Variants in CSGALNACT1 observed in about 807,000 individuals in gnomAD.
The protein encoded by CSGALNACT1 is beta4GalNAcT-1.
Under a neutral mutation model 51.0 loss-of-function variants are expected in CSGALNACT1, and 52 were observed. That is an observed-to-expected ratio of 1.02 (90% CI 0.82 to 1.29). The LOEUF is 1.29. Ranked by LOEUF, CSGALNACT1 falls within the 50% of genes most tolerant of loss-of-function variation. The pLI is 0.00. For synonymous variants in CSGALNACT1, 341 were observed against 254.4 expected (o/e 1.34, Z -3.24); for missense variants, 935 against 679.2 (o/e 1.38, Z -4.19).
At chr8:19,657,065 T>TAAAAAAA (rs200755706) in intron 1 of CSGALNACT1, among the ~76,000 whole-genome samples, 1 of 125,724 alleles carries the variant, frequency 8.0e-6, no homozygotes, top group Non-Finnish European at 1.7e-5. Flanking sequence ...TCCATCTCAT[T>TAAAAAAA]AAAAAAAAAA....
intron 1 of CSGALNACT1, among the ~76,000 whole-genome samples, chr8:19,609,156 G>C (rs1355848542): frequency 6.6e-6 from 1 of 151,018 alleles, no homozygotes; most frequent in Non-Finnish European, 1.5e-5. Context: ...TCAATCCATT[G>C]GGTTAGGCTG....
intron 8 of CSGALNACT1, among the ~76,000 whole-genome samples, chr8:19,412,068 G>T (rs904424606): frequency 1.3e-5 from 2 of 152,060 alleles, no homozygotes; most frequent in Admixed American, 6.6e-5. Context: ...CCTGACCTCA[G>T]GTGATCCACC....
rs559506193 is a variant in CSGALNACT1, at chr8:19,495,712, C to T, written c.634+9489G>A. On this transcript the variant is annotated intron_variant, in intron 4 of 9. Coordinates refer to ENST00000454498, the Ensembl canonical transcript of CSGALNACT1. Reference sequence around the variant, plus strand: ...CTGCCAGAAAAAGAAGCACAAGATTCGGAAGAGAATGTGTAGCCTCCTCAG... The same window carrying T: ...CTGCCAGAAAAAGAAGCACAAGATTTGGAAGAGAATGTGTAGCCTCCTCAG... 2.0e-5 allele frequency among the ~76,000 whole-genome samples: 3 copies of T among 152,252 alleles called. No individual in the cohort carries two copies. The East Asian group carries it at 5.8e-4, about 29-fold the overall frequency.
intron 3 of CSGALNACT1, among the ~76,000 whole-genome samples, chr8:19,562,587 A>T (rs748257404): frequency 2.0e-5 from 3 of 152,218 alleles, no homozygotes; most frequent in Non-Finnish European, 4.4e-5. Context: ...CAGAGTCTTA[A>T]ACAAATTTAC....
At chr8:19,494,488 A>T (rs114162951) in intron 4 of CSGALNACT1, among the ~76,000 whole-genome samples, 2,475 of 152,254 alleles carry the variant, frequency 0.016, 79 homozygotes, top group African/African-American at 0.057. Flanking sequence ...GTGCCCCTTC[A>T]TTTGGGCTCT....
intron 1 of CSGALNACT1, among the ~76,000 whole-genome samples, chr8:19,736,106 T>C (rs1192824739): frequency 6.6e-6 from 1 of 152,192 alleles, no homozygotes; most frequent in South Asian, 2.1e-4. Flanking sequence ...ACTAAAGAGA[T>C]GTACAACAGC....
chr8:19,680,994 CTG>C (rs1159859470), intron 1 of CSGALNACT1, among the ~76,000 whole-genome samples: 1 of 152,144 alleles, frequency 6.6e-6, no homozygotes, highest in East Asian at 1.9e-4. Flanking sequence ...ACTGTACAGA[CTG>C]TATACAAGAC....
chr8:19,613,663 G>A (rs1309843822), intron 1 of CSGALNACT1, among the ~76,000 whole-genome samples: 1 of 152,174 alleles, frequency 6.6e-6, no homozygotes, highest in Non-Finnish European at 1.5e-5. Context: ...GCTATAATCT[G>A]AAAAGTAGGG....
In CSGALNACT1 at chr8:19,539,867, G is replaced by T. The variant is rs1397353559; in HGVS notation, c.-296-33737C>A. Among the ~76,000 whole-genome samples the T allele has an allele frequency of 5.9e-5, 9 of 152,304 alleles. No individual in the cohort carries two copies. The East Asian group carries it at 1.7e-3, about 29-fold the overall frequency. ...AGATGGGCAGTGACATGGCCTTGGA[G>T]GGAGGGGGACAGGAGGGGAGATACC... On this transcript the variant is annotated intron_variant, in intron 3 of 9. Coordinates refer to ENST00000454498, the Ensembl canonical transcript of CSGALNACT1.
intron 1 of CSGALNACT1, among the ~76,000 whole-genome samples, chr8:19,619,072 T>C (rs1012336390): frequency 6.6e-6 from 1 of 151,960 alleles, no homozygotes; most frequent in Middle Eastern, 3.2e-3. Flanking sequence ...TCCCCTGCCA[T>C]AAATCAGAAG....
intron 1 of CSGALNACT1, among the ~76,000 whole-genome samples, chr8:19,650,317 C>G (rs536836328): frequency 6.6e-6 from 1 of 152,250 alleles, no homozygotes; most frequent in East Asian, 1.9e-4. Flanking sequence ...TAGATTTTTT[C>G]TCTTGAAAAC....
intron 1 of CSGALNACT1, among the ~76,000 whole-genome samples, chr8:19,695,467 A>G (rs1242354277): frequency 6.6e-6 from 1 of 152,188 alleles, no homozygotes; most frequent in Non-Finnish European, 1.5e-5. Context: ...TCTTCCTTCT[A>G]TAACAAGGAA....
chr8:19,610,200 G>T (rs2052020759), intron 1 of CSGALNACT1, among the ~76,000 whole-genome samples: 1 of 147,458 alleles, frequency 6.8e-6, no homozygotes, highest in Non-Finnish European at 1.5e-5. Flanking sequence ...TGAGGCAGGA[G>T]AATTGCTTGA....
intron 1 of CSGALNACT1, among the ~76,000 whole-genome samples, chr8:19,715,370 A>T (rs1235823163): frequency 1.3e-5 from 2 of 152,198 alleles, no homozygotes; most frequent in African/African-American, 4.8e-5. Context: ...ATAAGTGAGA[A>T]CATATGGGAT....
At chr8:19,555,943 G>A (rs546323167) in intron 3 of CSGALNACT1, among the ~76,000 whole-genome samples, 12 of 152,196 alleles carry the variant, frequency 7.9e-5, no homozygotes, top group African/African-American at 2.9e-4. Flanking sequence ...TCTTTATTTG[G>A]CTTCTCGAGT....
intron 3 of CSGALNACT1, among the ~76,000 whole-genome samples, chr8:19,524,106 C>A (rs763110947): frequency 2.0e-5 from 3 of 152,116 alleles, no homozygotes; most frequent in Non-Finnish European, 4.4e-5. Flanking sequence ...CAAGCCTGGG[C>A]AACACAGCAA....
intron 3 of CSGALNACT1, among the ~76,000 whole-genome samples, chr8:19,511,880 C>G (rs1243681880): frequency 6.6e-6 from 1 of 152,172 alleles, no homozygotes; most frequent in East Asian, 1.9e-4. Context: ...CACATGGCAG[C>G]AGAAGAGACA....
At chr8:19,570,576 A>G (rs1027973654) in intron 3 of CSGALNACT1, among the ~76,000 whole-genome samples, 1 of 152,260 alleles carries the variant, frequency 6.6e-6, no homozygotes, top group Admixed American at 6.5e-5. Context: ...CATTCAGGAC[A>G]GTGGCACACG....
intron 3 of CSGALNACT1, among the ~76,000 whole-genome samples, chr8:19,536,340 A>G (rs558158667): frequency 1.6e-3 from 183 of 111,616 alleles, no homozygotes; most frequent in South Asian, 1.9e-3. Flanking sequence ...TTTTGTAAAA[A>G]ATGTTAAAAA....
Sources: gnomAD v4.1 joint callset for allele counts (sites outside exome capture counted in the v4.1 genomes callset) on GRCh38, gnomAD v4.1.1 for gene constraint, MANE v1.5 for transcripts, NCBI Gene and HGNC (gene_info 2026-07-23, HGNC 2026-07-21) for gene names.